Variants in CD99 observed in about 807,000 individuals in gnomAD.
The protein encoded by CD99 is CD99 molecule (Xg blood group).
CD99 carries 19 observed loss-of-function variants against 28.4 expected under a neutral mutation model. That is an observed-to-expected ratio of 0.67 (90% CI 0.47 to 0.98). CD99 has a LOEUF of 0.98. Among genes scored for constraint, CD99 ranks in the 50% least tolerant of loss-of-function variants. The probability of loss-of-function intolerance (pLI) is 0.00; values close to 1 mark genes in which losing one functional copy is unlikely to be tolerated. For synonymous variants in CD99, 103 were observed against 92.1 expected, an observed-to-expected ratio of 1.12 and a Z score of -0.67; for missense variants, 283 against 248.8, an observed-to-expected ratio of 1.14 and a Z score of -0.92.
chrX:2,736,661 T>G (rs1047953540), intron 8 of CD99, among the ~76,000 whole-genome samples: 4 of 151,894 alleles, frequency 2.6e-5, no homozygotes, highest in Non-Finnish European at 5.9e-5. Flanking sequence ...ATCAAGACCA[T>G]CCTGGCTAAC....
chrX:2,722,927 G>A (rs182881798), intron 6 of CD99, among the ~76,000 whole-genome samples: 23 of 152,186 alleles, frequency 1.5e-4, no homozygotes, highest in African/African-American at 5.3e-4. Context: ...GAGGGACAGG[G>A]CGTGATGAAT....
At position 2,702,284 on chromosome X, in the gene CD99, A is replaced by G. The variant is rs141313298; in HGVS notation, c.67+10857A>G. Among the ~76,000 whole-genome samples the G allele has an allele frequency of 9.5e-3, 1,439 of 152,228 alleles. 19 individuals carry two copies. The highest frequency in any genetic ancestry group is 0.033 in the African/African-American group (1,369 of 41,524). The stretch of plus-strand genomic sequence containing the variant: ...CTTTCATGGCCAGGTAGAGGATCCA[A>G]TGAGGCAGACGAGGGGCCCAAATTC... On this transcript the variant is annotated intron_variant, in intron 1 of 9. Transcript: ENST00000381192.
intron 8 of CD99, chrX:2,727,487 T>C (rs1490738175): frequency 1.2e-5 from 8 of 687,426 alleles, no homozygotes; most frequent in Non-Finnish European, 1.9e-5. Context: ...TCTTATTTTT[T>C]ATTTCTTGAG....
At position 2,727,040 on chromosome X, in the gene CD99, G is replaced by C. The variant is rs1455086483; in HGVS notation, c.475+667G>C. On this transcript the variant is annotated intron_variant, in intron 8 of 9. Transcript: ENST00000381192. Reference sequence around the variant, plus strand: ...TAGTCCCAGCTACTCGGAAGGCTGAGGCAGGAGAATGGTGTGAACCTGGGA... The same window carrying C: ...TAGTCCCAGCTACTCGGAAGGCTGACGCAGGAGAATGGTGTGAACCTGGGA... 1.1e-4 allele frequency among the ~76,000 whole-genome samples: 17 copies of C among 152,324 alleles called. No individual in the cohort carries two copies. The East Asian group carries it at 3.3e-3, about 29-fold the overall frequency.
chrX:2,716,623 C>T (rs936176756), intron 2 of CD99, among the ~76,000 whole-genome samples: 1 of 152,236 alleles, frequency 6.6e-6, no homozygotes, highest in African/African-American at 2.4e-5. Flanking sequence ...TCCCAAAGTG[C>T]TGAGGCGTGA....
chrX:2,700,950 C>T (rs969006158), intron 1 of CD99, among the ~76,000 whole-genome samples: 7 of 148,112 alleles, frequency 4.7e-5, no homozygotes, highest in Non-Finnish European at 9.0e-5. Flanking sequence ...TCCATCCATA[C>T]CTCCATCCGT....
rs759021573 is a variant in CD99, at chrX:2,726,361, T to C, written c.463T>C (p.Phe155Leu). ...FIAYQKKKLC[F>L]KENAEQGEVD... ...TGCTTACCAGAAAAAGAAGCTATGC[T>C]TCAAAGAAAATGGTAAGTCTCAGTC... is the stretch of plus-strand genomic sequence containing the variant. The change falls in exon 8 of 10, where the codon TTC becomes CTC. Residue 155 changes from phenylalanine to leucine, a missense_variant. Phe to Leu is a conservative substitution (Grantham distance 22). Coordinates refer to ENST00000381192, the MANE Select transcript of CD99 (RefSeq NM_002414.5). 1.9e-6 allele frequency: 3 copies of C among 1,605,882 alleles called. No homozygotes were observed. Among genetic ancestry groups the C allele is most frequent in the South Asian group, 2.2e-5 (2 of 90,846 alleles).
intron 1 of CD99, among the ~76,000 whole-genome samples, chrX:2,705,275 C>T (rs1473221591): frequency 1.3e-5 from 2 of 152,206 alleles, no homozygotes; most frequent in African/African-American, 4.8e-5. Flanking sequence ...GTTTTCTGTA[C>T]TCAGATATGC....
rs1312780641 is a variant in CD99, at chrX:2,691,680, G to T, written c.67+253G>T. The T allele has an allele frequency of 1.0e-5, 7 of 703,204 alleles. 1 individual carries two copies. The Admixed American group carries it at 1.4e-4, about 14-fold the overall frequency. 43.6% of individuals were successfully genotyped at this position (703,204 alleles called of 1,614,324 possible). On this transcript the variant is annotated intron_variant, in intron 1 of 9. Coordinates refer to ENST00000381192, the MANE Select transcript of CD99 (RefSeq NM_002414.5). ...CGGAGTTGCAAACTCTTACATGTGG[G>T]GCGGCCTTGGGAGAGGTGCGTCCGA...
At chrX:2,711,492 A>G (rs1190915387) in intron 1 of CD99, among the ~76,000 whole-genome samples, 2 of 151,696 alleles carry the variant, frequency 1.3e-5, no homozygotes, top group African/African-American at 2.4e-5. Context: ...AGTATGTCAA[A>G]GAGACACTCC....
chrX:2,712,371 C>G (rs2048448116), intron 1 of CD99, among the ~76,000 whole-genome samples: 1 of 151,996 alleles, frequency 6.6e-6, no homozygotes, highest in Admixed American at 6.6e-5. Context: ...AAGACAGTAG[C>G]TTTGAACTGT....
intron 1 of CD99, among the ~76,000 whole-genome samples, chrX:2,703,154 C>T (rs887816583): frequency 8.5e-5 from 13 of 152,152 alleles, no homozygotes; most frequent in African/African-American, 2.4e-4. Context: ...CCTGCCTTCT[C>T]GGGCCAGCGC....
At position 2,723,164 on chromosome X, in the gene CD99, G is replaced by A; in HGVS notation, c.311-150G>A. ...TAGCTGTGTAACATGCACCCTTAGA[G>A]TGTAATAGGCAGGACCCCAGCTCTG... On this transcript the variant is annotated intron_variant, in intron 6 of 9. Coordinates refer to ENST00000381192, the MANE Select transcript of CD99 (RefSeq NM_002414.5). 5 of 778,350 alleles carry A rather than the reference G, an allele frequency of 6.4e-6. No individual in the cohort carries two copies. The South Asian group carries it at 7.5e-5, about 12-fold the overall frequency. 48.2% of individuals were successfully genotyped at this position (778,350 alleles called of 1,614,324 possible).
In CD99 at chrX:2,729,453, A is replaced by G. The variant is rs767437536; in HGVS notation, c.475+3080A>G. Among the ~76,000 whole-genome samples the G allele has an allele frequency of 9.5e-4, 145 of 152,240 alleles. 1 individual carries two copies. Among genetic ancestry groups the G allele is most frequent in the African/African-American group, 3.4e-3 (141 of 41,544 alleles). ...CCTCAGGAAACTTAACAATCATGGC[A>G]GAAGGGGACGCAAGGCACCATCCCA... On this transcript the variant is annotated intron_variant, in intron 8 of 9. Coordinates refer to ENST00000381192, the MANE Select transcript of CD99 (RefSeq NM_002414.5).
intron 1 of CD99, among the ~76,000 whole-genome samples, chrX:2,694,715 C>T (rs1308950216): frequency 6.6e-6 from 1 of 151,708 alleles, no homozygotes; most frequent in Non-Finnish European, 1.5e-5. Context: ...ATCGTGTCAC[C>T]GCATTATGGC....
intron 1 of CD99, among the ~76,000 whole-genome samples, chrX:2,705,895 G>A (rs1336551752): frequency 2.0e-5 from 3 of 152,038 alleles, no homozygotes; most frequent in African/African-American, 7.3e-5. Flanking sequence ...TCCCACACAG[G>A]AGGACTTCCG....
At chrX:2,719,433 G>C (rs1400794439) in intron 3 of CD99, 2 of 565,042 alleles carry the variant, frequency 3.5e-6, no homozygotes, top group East Asian at 2.8e-5. Flanking sequence ...TTCTCTCCTA[G>C]CTTTTTATCT....
intron 5 of CD99, 131 bp from the exon 6 acceptor site, chrX:2,722,496 T>G (rs2049042318): frequency 3.8e-6 from 3 of 792,674 alleles, no homozygotes; most frequent in Non-Finnish European, 4.5e-6. Context: ...AATTTTTATA[T>G]TCTTAGTGGA....
chrX:2,693,191 G>A (rs1215469351), intron 1 of CD99, among the ~76,000 whole-genome samples: 1 of 151,696 alleles, frequency 6.6e-6, no homozygotes, highest in African/African-American at 2.4e-5. Context: ...TCACCAGTCT[G>A]GAGTGTAGTG....
Sources: gnomAD v4.1 joint callset for allele counts (sites outside exome capture counted in the v4.1 genomes callset) on GRCh38, gnomAD v4.1.1 for gene constraint, MANE v1.5 for transcripts, NCBI Gene and HGNC (gene_info 2026-07-23, HGNC 2026-07-21) for gene names.